Variants in DLG5 observed in about 807,000 individuals in gnomAD.
The protein encoded by DLG5 is discs large MAGUK scaffold protein 5, also known as disks large homolog 5.
Under a neutral mutation model 189.8 loss-of-function variants are expected in DLG5, and 48 were observed. That is an observed-to-expected ratio of 0.25 (90% CI 0.20 to 0.32). The LOEUF is 0.32. Ranked by LOEUF, DLG5 falls within the 10% of genes least tolerant of loss-of-function variation. The probability of loss-of-function intolerance (pLI) is 1.00; values close to 1 mark genes in which losing one functional copy is unlikely to be tolerated. For synonymous variants in DLG5, 1,016 were observed against 1,054.1 expected (o/e 0.96, Z 0.70); for missense variants, 2,160 against 2,544.7 (o/e 0.85, Z 3.25).
chr10:77,857,149 G>A (rs950627639), intron 2 of DLG5, among the ~76,000 whole-genome samples: 3 of 152,066 alleles, frequency 2.0e-5, no homozygotes, highest in Non-Finnish European at 2.9e-5. Flanking sequence ...CCCTGAAGAC[G>A]CGCACTCTCT....
At chr10:77,887,177 AC>A (rs1424078873) in intron 1 of DLG5, among the ~76,000 whole-genome samples, 1 of 152,176 alleles carries the variant, frequency 6.6e-6, no homozygotes, top group Non-Finnish European at 1.5e-5. Context: ...GCCCCATTTT[AC>A]AGACAAGAAC....
At chr10:77,874,977 C>A (rs1234124084) in intron 1 of DLG5, among the ~76,000 whole-genome samples, 1 of 152,220 alleles carries the variant, frequency 6.6e-6, no homozygotes, top group Non-Finnish European at 1.5e-5. Context: ...GTACTAAGCA[C>A]TACTAAGTAC....
chr10:77,823,491 A>AAAGC (rs1842465883), intron 14 of DLG5, among the ~76,000 whole-genome samples: 1 of 151,936 alleles, frequency 6.6e-6, no homozygotes, highest in Admixed American at 6.6e-5. Context: ...AGAACACTGG[A>AAAGC]AAGCAAGTTA....
At chr10:77,936,298 C>T in the DLG5 span, among the ~76,000 whole-genome samples, 2 of 151,944 alleles carry the variant, frequency 1.3e-5, no homozygotes, top group African/African-American at 2.4e-5. Flanking sequence ...GTTAGCTGGG[C>T]GTGGTGGTGC....
chr10:77,836,040 C>T (rs75616972), intron 7 of DLG5, 118 bp from the exon 8 acceptor site: 50,510 of 1,075,728 alleles, frequency 0.047, 2,037 homozygotes, highest in East Asian at 0.22. Flanking sequence ...GAGGGAAACA[C>T]GGAGCCCATC....
Position 77,821,527 on chromosome 10 carries a change from G to C in DLG5, c.2957C>G (p.Pro986Arg), listed in dbSNP as rs200888706. 10 of 1,612,868 alleles carry C rather than the reference G, an allele frequency of 6.2e-6. No individual in the cohort carries two copies. The East Asian group carries it at 2.0e-4, about 32-fold the overall frequency. The change falls in exon 15 of 32, where the codon CCC becomes CGC. Residue 986 changes from proline to arginine, a missense_variant. Around this residue, in one of 5 missense-constraint regions of DLG5, gnomAD observed 754 missense variants for 746.5 expected, o/e 1.01. Transcript: ENST00000372391. ...ACCTGGAAGCAGGTAGTCTATTTTG[G>C]GGGGTGTCTGGGGGCGTTTGAAAGT... ...PNTFKRPQTP[P>R]KIDYLLPGPG...
intron 7 of DLG5, among the ~76,000 whole-genome samples, chr10:77,840,977 C>T (rs938548457): frequency 6.6e-6 from 1 of 152,202 alleles, no homozygotes; most frequent in African/African-American, 2.4e-5. Flanking sequence ...GACCTTTAAA[C>T]GCCTTGCTTT....
At chr10:77,830,384 A>G in intron 10 of DLG5, 40 bp from the exon 11 acceptor site, 1 of 1,613,562 alleles carries the variant, frequency 6.2e-7, no homozygotes, top group Non-Finnish European at 8.5e-7. Context: ...TTCACAAAGC[A>G]GTGACAGAGA....
intron 8 of DLG5, 67 bp from the exon 9 acceptor site, chr10:77,834,106 C>T (rs1004061329): frequency 1.0e-5 from 16 of 1,558,416 alleles, no homozygotes; most frequent in Middle Eastern, 1.7e-4. Flanking sequence ...TGGTCTGCAG[C>T]GGATGGTCTG....
intron 2 of DLG5, among the ~76,000 whole-genome samples, chr10:77,867,540 G>T (rs1017111488): frequency 6.6e-6 from 1 of 152,092 alleles, no homozygotes; most frequent in East Asian, 1.9e-4. Flanking sequence ...ATATGTCTCC[G>T]GGCACCAAAA....
intron 7 of DLG5, 40 bp downstream of exon 7, chr10:77,841,841 T>C (rs775830944): frequency 7.6e-6 from 12 of 1,582,718 alleles, no homozygotes; most frequent in African/African-American, 1.3e-5. Context: ...CGGGATGCTG[T>C]AGGAGAGGCT....
chr10:77,806,254 T>C (rs1841465424), intron 26 of DLG5: 1 of 249,144 alleles, frequency 4.0e-6, no homozygotes, highest in Non-Finnish European at 7.7e-6. Flanking sequence ...AAGGCCACAC[T>C]ATGCAATCCC....
At chr10:77,928,146 C>T (rs1250361497), upstream of DLG5, 2 of 152,210 alleles carry the variant, frequency 1.3e-5, no homozygotes, top group Non-Finnish European at 2.9e-5. Context: ...TAAGCAGCTG[C>T]ACAAGGTGGA....
At chr10:77,809,458 C>T in intron 24 of DLG5, 89 bp downstream of exon 24, 2 of 1,407,858 alleles carry the variant, frequency 1.4e-6, no homozygotes, top group Non-Finnish European at 1.9e-6. Flanking sequence ...AGAGGCTGTA[C>T]TCCTCCGTCT....
chr10:77,905,000 G>T (rs1430821605), intron 1 of DLG5, among the ~76,000 whole-genome samples: 1 of 151,858 alleles, frequency 6.6e-6, no homozygotes, highest in East Asian at 1.9e-4. Flanking sequence ...GTGGTGGCAG[G>T]TGCCTGTAAT....
intron 24 of DLG5, 140 bp from the exon 25 acceptor site, chr10:77,808,084 G>T: frequency 9.7e-7 from 1 of 1,029,358 alleles, no homozygotes; most frequent in Non-Finnish European, 1.4e-6. Context: ...CCCTCTGCAG[G>T]AAGGACTGAG....
intron 6 of DLG5, among the ~76,000 whole-genome samples, chr10:77,842,953 G>A (rs571779278): frequency 6.6e-6 from 1 of 152,288 alleles, no homozygotes; most frequent in South Asian, 2.1e-4. Context: ...ACATGCCCCA[G>A]AGAACTGGTG....
rs1225657922 is a variant in DLG5, at chr10:77,796,841, C to T, written c.5165-247G>A. The stretch of plus-strand genomic sequence containing the variant: ...TCTCAACCACTCATCCCAGAGCTTC[C>T]TTCTGCTCTGATTTTTCCTCGTGGG... On this transcript the variant is annotated intron_variant, in intron 27 of 31. Transcript: ENST00000372391. The surrounding 1 kb of genome is among the most constrained non-coding windows in gnomAD (Gnocchi z 5.2). 2.6e-5 allele frequency among the ~76,000 whole-genome samples: 4 copies of T among 152,222 alleles called. No individual in the cohort carries two copies. The highest frequency in any genetic ancestry group is 5.9e-5 in the Non-Finnish European group (4 of 68,050).
In DLG5 at chr10:77,806,775, C is replaced by G. The variant is rs1005395552; in HGVS notation, c.4950G>C (p.Gln1650His). Residue 1650 changes from glutamine (Q) to histidine (H), a missense_variant, in exon 26 of 32, where the codon CAG becomes CAC. Around this residue, in one of 5 missense-constraint regions of DLG5, gnomAD observed 574 missense variants for 644.2 expected, o/e 0.89. Coordinates refer to ENST00000372391, the MANE Select transcript of DLG5 (RefSeq NM_004747.4). ...DENAQKIQRG[Q>H]IPSKYVMDQE... ...ACACTTACACATATTTGCTGGGAAT[C>G]TGCCCGCGCTGGATCTTCTGGGCAT... is the stretch of plus-strand genomic sequence containing the variant. 6 of 1,388,304 alleles carry G rather than the reference C, an allele frequency of 4.3e-6. No homozygotes were observed. Among genetic ancestry groups the G allele is most frequent in the Non-Finnish European group, 5.8e-6 (6 of 1,034,686 alleles). The allele number at this position is 1,388,304 out of a possible 1,614,324, so 86.0% of individuals were successfully genotyped here.
Sources: gnomAD v4.1 joint callset for allele counts (sites outside exome capture counted in the v4.1 genomes callset) on GRCh38, gnomAD v4.1.1 for gene constraint, gnomAD v4.1.1 regional missense constraint, Gnocchi (gnomAD v3.1) non-coding constraint, MANE v1.5 for transcripts, NCBI Gene and HGNC (gene_info 2026-07-23, HGNC 2026-07-21) for gene names.